The following ERBIN variants were observed in gnomAD, a reference collection of about 807,000 sequenced individuals.
ERBIN encodes erbb2 interacting protein.
ERBIN carries 60 observed loss-of-function variants against 158.4 expected under a neutral mutation model. The ratio of observed to expected loss-of-function variants is 0.38; its 90% CI spans 0.31 to 0.47. The LOEUF (loss-of-function observed/expected upper bound fraction) is 0.47, where lower values mean the gene tolerates loss of function less well. Ranked by LOEUF, ERBIN falls within the 20% of genes least tolerant of loss-of-function variation. ERBIN has a pLI of 0.99. For missense variants in ERBIN, 1,610 were observed against 1,648.0 expected (o/e 0.98, Z 0.40); for synonymous variants, 594 against 557.2 (o/e 1.07, Z -0.93).
intron 1 of ERBIN, among the ~76,000 whole-genome samples, chr5:65,980,899 A>G (rs1411181534): frequency 6.6e-6 from 1 of 152,216 alleles, no homozygotes; most frequent in East Asian, 1.9e-4. Flanking sequence ...AGAAAAAGCC[A>G]TAAATTGGTA....
At chr5:65,957,333 GT>G (rs1403965969) in intron 1 of ERBIN, among the ~76,000 whole-genome samples, 1 of 152,038 alleles carries the variant, frequency 6.6e-6, no homozygotes, top group Non-Finnish European at 1.5e-5. Flanking sequence ...GTGAACAAAG[GT>G]CTCTGGTTTT....
intron 7 of ERBIN, among the ~76,000 whole-genome samples, chr5:66,017,738 T>C (rs1235724496): frequency 2.0e-5 from 3 of 152,112 alleles, no homozygotes; most frequent in African/African-American, 7.2e-5. Context: ...AAAAAATCTT[T>C]GCCCAAACCA....
intron 24 of ERBIN, 61 bp downstream of exon 24, chr5:66,076,469 T>A: frequency 8.2e-7 from 1 of 1,223,658 alleles, no homozygotes; most frequent in African/African-American, 1.5e-5. Flanking sequence ...ATTGAATACT[T>A]AAATGTAAGT....
At chr5:66,020,248 A>G (rs901695236) in intron 7 of ERBIN, among the ~76,000 whole-genome samples, 71 of 152,180 alleles carry the variant, frequency 4.7e-4, no homozygotes, top group African/African-American at 1.5e-3. Context: ...TTTCATTACA[A>G]TGATGGTGTT....
At chr5:66,064,063 T>C (rs1416244143) in intron 21 of ERBIN, among the ~76,000 whole-genome samples, 2 of 152,188 alleles carry the variant, frequency 1.3e-5, no homozygotes, top group South Asian at 4.1e-4. Context: ...GTCGGTGAGA[T>C]TTGGGGACTT....
At chr5:65,961,439 C>G (rs953428937) in intron 1 of ERBIN, 4 of 152,158 alleles carry the variant, frequency 2.6e-5, no homozygotes, top group African/African-American at 4.8e-5. Context: ...GAAAAATTCT[C>G]AATTCTGAAA....
chr5:65,997,142 G>A (rs1470918219), intron 4 of ERBIN, among the ~76,000 whole-genome samples: 1 of 152,124 alleles, frequency 6.6e-6, no homozygotes, highest in African/African-American at 2.4e-5. Flanking sequence ...TAAGTACAAC[G>A]TTGAAAAGAA....
intron 4 of ERBIN, among the ~76,000 whole-genome samples, chr5:66,007,165 T>G (rs1187956228): frequency 1.3e-5 from 2 of 151,444 alleles, no homozygotes; most frequent in African/African-American, 2.4e-5. Context: ...ATAGACTGGA[T>G]TAAGAAAATG....
rs1053065515 is a variant in ERBIN at position 65,975,751 on chromosome 5, A to G, written c.-57-12884A>G. On this transcript the variant is annotated intron_variant, in intron 1 of 25. Transcript: ENST00000284037. Reference sequence around the variant, plus strand: ...CAACTTGTTTGAGGAATTTTTCTGTAAAAGGCAGCAGAGTAATGGGTTGGT... The same window carrying G: ...CAACTTGTTTGAGGAATTTTTCTGTGAAAGGCAGCAGAGTAATGGGTTGGT... 3.9e-5 allele frequency among the ~76,000 whole-genome samples: 6 copies of G among 152,250 alleles called. 1 individual carries two copies. Among genetic ancestry groups the G allele is most frequent in the African/African-American group, 1.4e-4 (6 of 41,466 alleles).
chr5:65,982,031 G>T (rs180718650), intron 1 of ERBIN, among the ~76,000 whole-genome samples: 7 of 152,312 alleles, frequency 4.6e-5, no homozygotes, highest in Non-Finnish European at 8.8e-5. Flanking sequence ...AGTGAAATCT[G>T]AGATTTTACC....
chr5:66,031,599 A>AGG (rs2151171056), intron 14 of ERBIN, among the ~76,000 whole-genome samples: 1 of 152,284 alleles, frequency 6.6e-6, no homozygotes, highest in African/African-American at 2.4e-5. Context: ...TGGGAAGCTG[A>AGG]GGTGGGAGGA....
At position 66,082,265 on chromosome 5, in the gene ERBIN, T is replaced by G. The variant is rs1478838518; in HGVS notation, c.*3735T>G. Reference sequence around the variant, plus strand: ...TTTTTTTAAGAGAACAACCTAGGTTTTATTGTAGAGAACAATCAAAATACT... The same window carrying G: ...TTTTTTTAAGAGAACAACCTAGGTTGTATTGTAGAGAACAATCAAAATACT... On this transcript the variant is annotated 3_prime_UTR_variant, in exon 26 of 26. Transcript: ENST00000284037. 6.6e-6 allele frequency: 1 copy of G among 152,190 alleles called. No homozygotes were observed. Among genetic ancestry groups the G allele is most frequent in the Non-Finnish European group, 1.5e-5 (1 of 68,012 alleles). 9.4% of individuals were successfully genotyped at this position (152,190 alleles called of 1,614,324 possible). A position where few individuals can be genotyped will look rare whatever the true frequency, so the allele number is the denominator to read the frequency against.
intron 4 of ERBIN, among the ~76,000 whole-genome samples, chr5:66,005,655 G>A (rs1191286568): frequency 2.0e-5 from 3 of 152,098 alleles, no homozygotes; most frequent in South Asian, 2.1e-4. Context: ...AGACCCCATC[G>A]TCTCAGCCCA....
In ERBIN at chr5:65,992,887, CA is replaced by C; in HGVS notation, c.170del (p.Gln57ArgfsTer18). ...GGAGGAACTCTATTTAGATGCTAAT[CA>C]GATTGAAGAGCTTCCAAAGGTATGC... Reference protein sequence around the residue: ...TLEELYLDANQIEELPKQLFN... With the variant: ...TLEELYLDANXIEELPKQLFN... On this transcript the variant is annotated frameshift_variant, in exon 3 of 26. Transcript: ENST00000284037. LOFTEE classifies it high-confidence loss of function. The C allele has an allele frequency of 6.2e-7, 1 of 1,602,350 alleles. No homozygotes were observed. Among genetic ancestry groups the C allele is most frequent in the Non-Finnish European group, 8.5e-7 (1 of 1,176,356 alleles).
At chr5:65,960,149 C>T (rs1324634505) in intron 1 of ERBIN, among the ~76,000 whole-genome samples, 2 of 152,150 alleles carry the variant, frequency 1.3e-5, no homozygotes, top group African/African-American at 2.4e-5. Flanking sequence ...AATACTGCTC[C>T]GCAGTCAAAA....
intron 1 of ERBIN, among the ~76,000 whole-genome samples, chr5:65,967,345 C>G (rs1190518812): frequency 6.6e-6 from 1 of 152,054 alleles, no homozygotes; most frequent in Non-Finnish European, 1.5e-5. Flanking sequence ...ACTCACTGAC[C>G]CACAGCAATT....
At chr5:66,014,761 T>G in intron 7 of ERBIN, 36 bp downstream of exon 7, 1 of 1,055,008 alleles carries the variant, frequency 9.5e-7, no homozygotes, top group Non-Finnish European at 1.3e-6. Flanking sequence ...AAACTTAATT[T>G]ATAATTTTTA....
chr5:66,010,377 C>G (rs1754077907), intron 4 of ERBIN, among the ~76,000 whole-genome samples: 1 of 152,156 alleles, frequency 6.6e-6, no homozygotes, highest in Non-Finnish European at 1.5e-5. Context: ...ATGATGCCAA[C>G]TTTCAAGCAA....
chr5:65,965,382 GTTTTTTTTTTTTTTTTTTTTTTTTTTT>G lies in ERBIN; in HGVS notation c.-57-23238_-57-23212del, dbSNP rs200847060. On this transcript the variant is annotated intron_variant, in intron 1 of 25. Coordinates refer to ENST00000284037, the MANE Select transcript of ERBIN (RefSeq NM_001253697.2). ...GTTCTTACCAGATTTGTTTTTTGTT[GTTTTTTTTTTTTTTTTTTTTTTTTTTT>G]TTTTTTTTTTTTTTGAGACGGAGTC... is the stretch of plus-strand genomic sequence containing the variant. 3.4e-4 allele frequency among the ~76,000 whole-genome samples: 33 copies of G among 96,060 alleles called. 1 individual carries two copies. The East Asian group carries it at 3.9e-3, about 11-fold the overall frequency. 63.0% of individuals were successfully genotyped at this position (96,060 alleles called of 152,430 possible). A position where few individuals can be genotyped will look rare whatever the true frequency, so the allele number is the denominator to read the frequency against.
Sources: allele counts gnomAD v4.1 joint callset (sites outside exome capture counted in the v4.1 genomes callset), GRCh38; gene constraint gnomAD v4.1.1; transcripts MANE v1.5; gene names NCBI Gene and HGNC (gene_info 2026-07-23, HGNC 2026-07-21).